TJP2: variants seen among roughly 807,000 people sequenced by gnomAD.
TJP2 encodes the protein Friedreich ataxia region gene X104 (tight junction protein ZO-2).
A neutral mutation model predicts 133.1 loss-of-function variants in TJP2; 91 were observed. The observed-to-expected ratio is 0.68, with a 90% confidence interval of 0.58 to 0.81. The LOEUF is 0.81. TJP2 is among the 40% of genes least tolerant of loss of function. The probability of loss-of-function intolerance (pLI) is 0.00; values close to 1 mark genes in which losing one functional copy is unlikely to be tolerated. For missense variants in TJP2, 1,541 were observed against 1,565.6 expected, an observed-to-expected ratio of 0.98 and a Z score of 0.26; for synonymous variants, 592 against 583.4, an observed-to-expected ratio of 1.01 and a Z score of -0.21.
chr9:69,248,194 C>G lies in TJP2; in HGVS notation c.2850C>G (p.Thr950=). The G allele has an allele frequency of 6.2e-7, 1 of 1,610,246 alleles. No individual in the cohort carries two copies. The highest frequency in any genetic ancestry group is 1.3e-5 in the African/African-American group (1 of 74,954). The part of the protein sequence containing the change: ...PAEEPLVSSI[T]RSSEPVQHEE... The stretch of plus-strand genomic sequence containing the variant: ...AGGAGCCGCTGGTGTCGTCCATCAC[C>G]CGCTCCTCGGAGCCGGTGCAGCACG... The change falls in exon 19 of 23, where the codon ACC becomes ACG. Residue 950 remains threonine (T), a synonymous_variant. Transcript: ENST00000377245.
At chr9:69,209,425 C>T (rs991369805) in intron 1 of TJP2, among the ~76,000 whole-genome samples, 1 of 152,152 alleles carries the variant, frequency 6.6e-6, no homozygotes, top group Non-Finnish European at 1.5e-5. Flanking sequence ...TGAACCATCA[C>T]GCCCGACCCG....
intron 1 of TJP2, among the ~76,000 whole-genome samples, chr9:69,199,242 A>G (rs1826815262): frequency 6.6e-6 from 1 of 152,194 alleles, no homozygotes; most frequent in African/African-American, 2.4e-5. Context: ...GACACAACAT[A>G]ATACCAGAGG....
intron 1 of TJP2, among the ~76,000 whole-genome samples, chr9:69,140,199 C>G (rs1394659056): frequency 6.6e-6 from 1 of 152,166 alleles, no homozygotes; most frequent in Non-Finnish European, 1.5e-5. Flanking sequence ...GAAATGAAGC[C>G]ACAACTAGTC....
chr9:69,254,564 G>T lies in TJP2; in HGVS notation c.*190G>T, dbSNP rs1265138299. The T allele has an allele frequency of 1.4e-6, 1 of 713,500 alleles. No individual in the cohort carries two copies. The highest frequency in any genetic ancestry group is 2.4e-6 in the Non-Finnish European group (1 of 412,858). The allele number at this position is 713,500 out of a possible 1,614,324, so 44.2% of individuals were successfully genotyped here. A position where few individuals can be genotyped will look rare whatever the true frequency, so the allele number is the denominator to read the frequency against. On this transcript the variant is annotated 3_prime_UTR_variant, in exon 23 of 23. Coordinates refer to ENST00000377245, the MANE Select transcript of TJP2 (RefSeq NM_004817.4). ...TTCAGAACTGAGGGCTCTGTTTGTG[G>T]GACTGGGTTAGAGGAGTCTGTGGCT...
chr9:69,225,444 C>T (rs1298787312), intron 6 of TJP2, 37 bp downstream of exon 6: 1 of 1,394,438 alleles, frequency 7.2e-7, no homozygotes, highest in Non-Finnish European at 1.0e-6. Flanking sequence ...AGTGTGCATA[C>T]TGCCGTTCAT....
chr9:69,236,823 A>G, intron 13 of TJP2, 126 bp from the exon 14 acceptor site: 1 of 1,156,214 alleles, frequency 8.6e-7, no homozygotes, highest in Non-Finnish European at 1.3e-6. Flanking sequence ...ACCCTCTGAA[A>G]CTTCTTCATT....
intron 1 of TJP2, among the ~76,000 whole-genome samples, chr9:69,195,555 T>C (rs1409643051): frequency 2.0e-5 from 3 of 152,130 alleles, no homozygotes; most frequent in Middle Eastern, 3.2e-3. Flanking sequence ...TATTTTTGTA[T>C]GTGAAAAAAG....
intron 2 of TJP2, among the ~76,000 whole-genome samples, chr9:69,169,158 C>A (rs2132898687): frequency 6.6e-6 from 1 of 152,300 alleles, no homozygotes; most frequent in Admixed American, 6.5e-5. Context: ...TAACGTGTCA[C>A]AATGTGTTTA....
chr9:69,158,327 CAAA>C (rs1156502519), intron 2 of TJP2, among the ~76,000 whole-genome samples: 4 of 52,768 alleles, frequency 7.6e-5, no homozygotes, highest in Admixed American at 3.1e-4. Flanking sequence ...GACTTTGCCT[CAAA>C]AAAAAAAAAA....
In TJP2 at chr9:69,234,501, C is replaced by A. The variant is rs1830031839; in HGVS notation, c.1734C>A (p.Ile578=). Residue 578 remains isoleucine (I), a synonymous_variant, in exon 12 of 23, where the codon ATC becomes ATA. Transcript: ENST00000377245. ...ATGCCGTTCTCTACCTGTTAGAAAT[C>A]CCTAAAGGTGAAATGGTGACCATTT... The part of the protein sequence containing the change: ...REDAVLYLLE[I]PKGEMVTILA... 1 of 1,599,492 alleles carries A rather than the reference C, an allele frequency of 6.3e-7. No homozygotes were observed. Among genetic ancestry groups the A allele is most frequent in the African/African-American group, 1.4e-5 (1 of 72,404 alleles).
At chr9:69,208,244 A>G (rs967798703) in intron 1 of TJP2, among the ~76,000 whole-genome samples, 1 of 152,152 alleles carries the variant, frequency 6.6e-6, no homozygotes, top group Non-Finnish European at 1.5e-5. Context: ...TCTCTTTATC[A>G]CTTGGCTTAG....
chr9:69,174,333 G>A lies in TJP2; in HGVS notation c.-40G>A. ...AGGAGCAGGAGCAGAAGCAGAAGCG[G>A]GGTCCGGAGCTGCGCGCCTACGCGG... is the stretch of plus-strand genomic sequence containing the variant. On this transcript the variant is annotated 5_prime_UTR_variant, in exon 1 of 23. Coordinates refer to ENST00000377245, the MANE Select transcript of TJP2 (RefSeq NM_004817.4). The A allele has an allele frequency of 1.3e-6, 2 of 1,551,096 alleles. No homozygotes were observed. The highest frequency in any genetic ancestry group is 1.7e-6 in the Non-Finnish European group (2 of 1,146,840).
rs1323577728 is a variant in TJP2, at chr9:69,197,432, T to C, written c.61-15116T>C. On this transcript the variant is annotated intron_variant, in intron 1 of 22. Coordinates refer to ENST00000377245, the MANE Select transcript of TJP2 (RefSeq NM_004817.4). ...TTTGCTATTTTAAATAATACTGTTA[T>C]GAACATTTGTATACAAGTTGTTGTG... Among the ~76,000 whole-genome samples the C allele has an allele frequency of 3.9e-5, 6 of 152,250 alleles. No homozygotes were observed. In the South Asian group the frequency reaches 6.2e-4, roughly 16 times the overall value.
chr9:69,174,152 CCGGGCG>C, upstream of TJP2: 1 of 1,265,380 alleles, frequency 7.9e-7, no homozygotes, highest in South Asian at 2.9e-5. Context: ...GTTTCCCGGG[CCGGGCG>C]GCCAGCGCGG....
intron 12 of TJP2, 84 bp from the exon 13 acceptor site, chr9:69,235,944 C>A: frequency 1.5e-6 from 2 of 1,293,508 alleles, no homozygotes. Context: ...AAGGGGAGAT[C>A]AGAGATAGGA....
At chr9:69,248,252 A>T in intron 19 of TJP2, 28 bp downstream of exon 19, 2 of 1,561,648 alleles carry the variant, frequency 1.3e-6, no homozygotes, top group Non-Finnish European at 1.7e-6. Context: ...ACGGGCAGGA[A>T]CAGGAGAGCC....
At chr9:69,250,167 A>T (rs1056290638) in intron 20 of TJP2, among the ~76,000 whole-genome samples, 1 of 152,146 alleles carries the variant, frequency 6.6e-6, no homozygotes, top group Non-Finnish European at 1.5e-5. Context: ...CAGTGGTGCA[A>T]TCTCGGCTCA....
rs1831291948 is a variant in TJP2 at position 69,251,037 on chromosome 9, C to G, written c.2994C>G (p.Ala998=). Reference sequence around the variant, plus strand: ...AAACGTGTCATTGCTCTCCGCAGGCCAAAACCCAGAACAAAGAAGAATCCT... The same window carrying G: ...AAACGTGTCATTGCTCTCCGCAGGCGAAAACCCAGAACAAAGAAGAATCCT... The part of the protein sequence containing the change: ...PPAFKPEPPK[A]KTQNKEESYD... Residue 998 remains alanine (A), a splice_region_variant and synonymous_variant, in exon 21 of 23, where the codon GCC becomes GCG. Coordinates refer to ENST00000377245, the MANE Select transcript of TJP2 (RefSeq NM_004817.4). 3 of 1,614,078 alleles carry G rather than the reference C, an allele frequency of 1.9e-6. No individual in the cohort carries two copies. The highest frequency in any genetic ancestry group is 2.7e-5 in the African/African-American group (2 of 75,038).
At chr9:69,209,693 G>A (rs952763393) in intron 1 of TJP2, among the ~76,000 whole-genome samples, 2 of 151,132 alleles carry the variant, frequency 1.3e-5, no homozygotes, top group Admixed American at 1.3e-4. Flanking sequence ...GGCGGAGGTT[G>A]CAGTGAGCCC....
Sources: gnomAD v4.1 joint callset for allele counts (sites outside exome capture counted in the v4.1 genomes callset) on GRCh38, gnomAD v4.1.1 for gene constraint, MANE v1.5 for transcripts, NCBI Gene and HGNC (gene_info 2026-07-23, HGNC 2026-07-21) for gene names.